PGAP1: variants seen among roughly 807,000 people sequenced by gnomAD.
PGAP1 encodes the protein post-GPI attachment to proteins inositol deacylase 1, also known as GPI inositol-deacylase.
PGAP1 carries 76 observed loss-of-function variants against 127.0 expected under a neutral mutation model. That is an observed-to-expected ratio of 0.60 (90% CI 0.50 to 0.72). The LOEUF (loss-of-function observed/expected upper bound fraction) is 0.72. Ranked by LOEUF, PGAP1 falls within the 30% of genes least tolerant of loss-of-function variation. The probability of loss-of-function intolerance (pLI) is 0.00; values close to 1 mark genes in which losing one functional copy is unlikely to be tolerated. For missense variants in PGAP1, 982 were observed against 1,071.3 expected, an observed-to-expected ratio of 0.92 and a Z score of 1.16; for synonymous variants, 362 against 366.5, an observed-to-expected ratio of 0.99 and a Z score of 0.14.
intron 13 of PGAP1, among the ~76,000 whole-genome samples, chr2:196,879,043 C>T (rs1182872812): frequency 6.6e-6 from 1 of 152,074 alleles, no homozygotes; most frequent in Non-Finnish European, 1.5e-5. Flanking sequence ...ATCCTAACTA[C>T]CCATTAAGGC....
At chr2:196,871,923 T>C (rs1701422361) in intron 18 of PGAP1, among the ~76,000 whole-genome samples, 1 of 152,154 alleles carries the variant, frequency 6.6e-6, no homozygotes, top group South Asian at 2.1e-4. Context: ...ACTAAAATGT[T>C]ACTCTCAAGT....
chr2:196,916,498 C>G lies in PGAP1; in HGVS notation c.397G>C (p.Val133Leu). The change falls in exon 3 of 27, where the codon GTG becomes CTG. Residue 133 changes from valine (V) to leucine (L), a missense_variant. Coordinates refer to ENST00000354764, the MANE Select transcript of PGAP1 (RefSeq NM_024989.4). ...TGAAGACTTCCACCATACAAAGCCACCAGTTCTTCATTGAAGTTCACACTA... is the reference window on the plus strand; with the variant it reads ...TGAAGACTTCCACCATACAAAGCCAGCAGTTCTTCATTGAAGTTCACACTA... ...FFSVNFNEEL[V>L]ALYGGSLQKQ... 2 of 1,613,586 alleles carry G rather than the reference C, an allele frequency of 1.2e-6. No individual in the cohort carries two copies. The highest frequency in any genetic ancestry group is 1.7e-6 in the Non-Finnish European group (2 of 1,179,756).
At chr2:196,871,875 T>C (rs1701420449) in intron 18 of PGAP1, among the ~76,000 whole-genome samples, 1 of 152,168 alleles carries the variant, frequency 6.6e-6, no homozygotes, top group Admixed American at 6.5e-5. Context: ...CACTTAAATC[T>C]GGAATCTAGG....
At chr2:196,880,826 C>A (rs1576145922) in intron 12 of PGAP1, among the ~76,000 whole-genome samples, 1 of 152,090 alleles carries the variant, frequency 6.6e-6, no homozygotes, top group Admixed American at 6.5e-5. Flanking sequence ...AATGAAAAGC[C>A]AAGGCACCAA....
intron 9 of PGAP1, 22 bp from the exon 10 acceptor site, chr2:196,890,933 T>A: frequency 1.6e-6 from 2 of 1,219,392 alleles, no homozygotes; most frequent in Non-Finnish European, 2.4e-6. Flanking sequence ...AGGAAAACAC[T>A]CAATATAGCT....
At chr2:196,854,960 CTT>C (rs1204441230) in intron 20 of PGAP1, among the ~76,000 whole-genome samples, 14 of 143,788 alleles carry the variant, frequency 9.7e-5, no homozygotes, top group East Asian at 2.0e-4. Flanking sequence ...TCTTTTTAAA[CTT>C]TTTTTTTTTT....
chr2:196,899,774 C>T lies in PGAP1; in HGVS notation c.808-1405G>A, dbSNP rs541357843. Among the ~76,000 whole-genome samples the T allele has an allele frequency of 2.6e-4, 40 of 152,340 alleles. No individual in the cohort carries two copies. In the South Asian group the frequency reaches 7.5e-3, roughly 28 times the overall value. ...TGAGATCGGGCGTAGTGGCTCACGC[C>T]TGTAATCCCAACACTGTGGGAGGCC... On this transcript the variant is annotated intron_variant, in intron 5 of 26. Transcript: ENST00000354764.
At chr2:196,892,115 T>C (rs1417928429) in intron 9 of PGAP1, among the ~76,000 whole-genome samples, 2 of 152,050 alleles carry the variant, frequency 1.3e-5, no homozygotes, top group Non-Finnish European at 2.9e-5. Flanking sequence ...TAACAACGTA[T>C]AGGCCTTGTT....
At chr2:196,874,973 G>A (rs912942251) in intron 14 of PGAP1, among the ~76,000 whole-genome samples, 2 of 152,182 alleles carry the variant, frequency 1.3e-5, no homozygotes, top group African/African-American at 4.8e-5. Flanking sequence ...CTGGGATCAT[G>A]CCACTGTACT....
chr2:196,900,756 T>G (rs1003400252), intron 5 of PGAP1, among the ~76,000 whole-genome samples: 1 of 151,890 alleles, frequency 6.6e-6, no homozygotes, highest in Non-Finnish European at 1.5e-5. Flanking sequence ...AAACCCCATC[T>G]CTACTAAAAA....
At chr2:196,861,358 G>T (rs75317416) in intron 20 of PGAP1, among the ~76,000 whole-genome samples, 2 of 152,046 alleles carry the variant, frequency 1.3e-5, no homozygotes, top group South Asian at 4.1e-4. Flanking sequence ...CACAGCAAAG[G>T]CAACAAACAA....
chr2:196,853,676 A>G (rs1700786948), intron 20 of PGAP1, among the ~76,000 whole-genome samples: 1 of 152,208 alleles, frequency 6.6e-6, no homozygotes, highest in South Asian at 2.1e-4. Flanking sequence ...AGGGAATTAC[A>G]CAGTACTGAT....
At chr2:196,851,157 T>C (rs1700707413) in intron 20 of PGAP1, among the ~76,000 whole-genome samples, 1 of 151,850 alleles carries the variant, frequency 6.6e-6, no homozygotes, top group Non-Finnish European at 1.5e-5. Flanking sequence ...TTTTTTTGTT[T>C]TTTTTAAAAA....
intron 4 of PGAP1, 59 bp downstream of exon 4, chr2:196,912,823 T>A (rs1576195348): frequency 6.9e-7 from 1 of 1,439,928 alleles, no homozygotes; most frequent in Admixed American, 2.2e-5. Flanking sequence ...GCCACAGAGA[T>A]TGATTTATTT....
At chr2:196,871,126 A>C (rs566007963) in intron 18 of PGAP1, 147 bp from the exon 19 acceptor site, 1 of 579,544 alleles carries the variant, frequency 1.7e-6, no homozygotes, top group African/African-American at 1.9e-5. Context: ...ATCTTAAAGA[A>C]TCTTTTGAAC....
At chr2:196,872,672 T>C (rs564490429) in intron 17 of PGAP1, 123 bp from the exon 18 acceptor site, 1 of 678,488 alleles carries the variant, frequency 1.5e-6, no homozygotes. Context: ...AGACACATAA[T>C]TGTGGATGGG....
chr2:196,873,790 A>C (rs199862168), intron 14 of PGAP1, 32 bp from the exon 15 acceptor site: 4 of 1,433,506 alleles, frequency 2.8e-6, no homozygotes, highest in Non-Finnish European at 3.9e-6. Context: ...ATTACTTAGA[A>C]TATCAAGGAA....
chr2:196,897,220 C>A (rs1442755167), intron 6 of PGAP1, 23 bp from the exon 7 acceptor site: 3 of 1,436,430 alleles, frequency 2.1e-6, no homozygotes, highest in South Asian at 2.6e-5. Context: ...GTAAGTGTTA[C>A]AAATAAAACT....
chr2:196,911,959 C>G (rs1294372114), intron 4 of PGAP1, among the ~76,000 whole-genome samples: 1 of 152,166 alleles, frequency 6.6e-6, no homozygotes. Flanking sequence ...GTTAAGAGCA[C>G]AAGCCCAGAA....
Sources: gnomAD v4.1 joint callset for allele counts (sites outside exome capture counted in the v4.1 genomes callset) on GRCh38, gnomAD v4.1.1 for gene constraint, MANE v1.5 for transcripts, NCBI Gene and HGNC (gene_info 2026-07-23, HGNC 2026-07-21) for gene names.